Variants in PPP2R3B observed in about 807,000 individuals in gnomAD.
PPP2R3B encodes the protein protein phosphatase 2 regulatory subunit B''beta, also known as serine/threonine-protein phosphatase 2A regulatory subunit B'' subunit beta.
PPP2R3B carries 68 observed loss-of-function variants against 72.9 expected under a neutral mutation model. The ratio of observed to expected loss-of-function variants is 0.93; its 90% CI spans 0.77 to 1.14. The LOEUF is 1.14. Among genes scored for constraint, PPP2R3B ranks in the 50% most tolerant of loss-of-function variants. The pLI, the probability that PPP2R3B is intolerant of heterozygous loss-of-function variation, is 0.00. For synonymous variants in PPP2R3B, 466 were observed against 375.8 expected, an observed-to-expected ratio of 1.24 and a Z score of -2.78; for missense variants, 1,018 against 842.0, an observed-to-expected ratio of 1.21 and a Z score of -2.59.
In PPP2R3B at chrX:334,011, G is replaced by A. The variant is rs993525636; in HGVS notation, c.*356C>T. 3.1e-5 allele frequency: 7 copies of A among 228,274 alleles called. No homozygotes were observed. The highest frequency in any genetic ancestry group is 5.8e-5 in the Admixed American group (1 of 17,308). 14.1% of individuals were successfully genotyped at this position (228,274 alleles called of 1,614,324 possible). A position where few individuals can be genotyped will look rare whatever the true frequency, so the allele number is the denominator to read the frequency against. ...AACATTCACACAGCCTGTGGTGGAG[G>A]CTCCTGTCCAGGACTGAGGCGCCCG... On this transcript the variant is annotated 3_prime_UTR_variant, in exon 13 of 13. Transcript: ENST00000390665.
intron 1 of PPP2R3B, among the ~76,000 whole-genome samples, chrX:371,386 AC>A (rs1238874772): frequency 8.6e-5 from 13 of 151,574 alleles, no homozygotes; most frequent in Middle Eastern, 3.4e-3. Flanking sequence ...GAACGCCCCC[AC>A]CCCCCGAGTT....
intron 1 of PPP2R3B, among the ~76,000 whole-genome samples, chrX:372,148 T>C (rs1015333314): frequency 6.6e-6 from 1 of 152,096 alleles, no homozygotes; most frequent in African/African-American, 2.4e-5. Context: ...TCCCACCATC[T>C]AGAGCAAATC....
At chrX:338,187 G>GCCCAGGGCCT (rs1182341988) in intron 12 of PPP2R3B, 68 of 337,544 alleles carry the variant, frequency 2.0e-4, no homozygotes, top group Non-Finnish European at 3.2e-4. Flanking sequence ...AAAGCAACCA[G>GCCCAGGGCCT]CCCAGGGCCT....
intron 1 of PPP2R3B, among the ~76,000 whole-genome samples, chrX:384,375 T>A (rs1160351399): frequency 6.6e-6 from 1 of 150,772 alleles, no homozygotes; most frequent in Non-Finnish European, 1.5e-5. Context: ...CAGCTCACAG[T>A]AATCTCCGAC....
intron 2 of PPP2R3B, among the ~76,000 whole-genome samples, chrX:351,023 G>C (rs758781846): frequency 1.3e-5 from 2 of 152,170 alleles, no homozygotes; most frequent in Non-Finnish European, 2.9e-5. Flanking sequence ...GGGGGGCGTG[G>C]GGGACTGCAG....
intron 1 of PPP2R3B, among the ~76,000 whole-genome samples, chrX:375,632 G>C (rs970482786): frequency 6.6e-6 from 1 of 152,234 alleles, no homozygotes; most frequent in Non-Finnish European, 1.5e-5. Context: ...CAGAGGTGCC[G>C]CCCCTTCAGT....
At chrX:373,614 C>T (rs2071917427) in intron 1 of PPP2R3B, 2 of 296,328 alleles carry the variant, frequency 6.7e-6, no homozygotes, top group Non-Finnish European at 1.4e-5. Context: ...CAGCTCCTGG[C>T]GCAGGTCGGG....
At chrX:350,197 C>T (rs1022635219) in intron 2 of PPP2R3B, among the ~76,000 whole-genome samples, 2 of 152,100 alleles carry the variant, frequency 1.3e-5, no homozygotes, top group African/African-American at 2.4e-5. Context: ...TGGGACAGAG[C>T]CCCGTGGAAT....
chrX:375,047 C>A (rs1046325970), intron 1 of PPP2R3B, among the ~76,000 whole-genome samples: 3 of 152,098 alleles, frequency 2.0e-5, no homozygotes, highest in Admixed American at 2.0e-4. Context: ...ACCTCTGACG[C>A]CCACCACAGC....
In PPP2R3B at chrX:361,457, G is replaced by A; in HGVS notation, c.458C>T (p.Ala153Val). 1.9e-6 allele frequency: 3 copies of A among 1,613,992 alleles called. No individual in the cohort carries two copies. The highest frequency in any genetic ancestry group is 1.3e-5 in the African/African-American group (1 of 75,058). The change falls in exon 2 of 13, where the codon GCC becomes GTC. Residue 153 changes from alanine (A) to valine (V), a missense_variant. Ala to Val is a moderately conservative substitution (Grantham distance 64, BLOSUM62 0). Coordinates refer to ENST00000390665, the MANE Select transcript of PPP2R3B (RefSeq NM_013239.5). ...AVISKIESTF[A>V]RFPHERATMD... ...GGTGGCCCTCTCGTGGGGGAACCGGGCGAAGGTGCTCTCGATCTTGCTGAT... is the reference window on the plus strand; with the variant it reads ...GGTGGCCCTCTCGTGGGGGAACCGGACGAAGGTGCTCTCGATCTTGCTGAT...
Position 374,337 on chromosome X carries a change from G to C in PPP2R3B, c.324+12031C>G, listed in dbSNP as rs1033641288. 3.3e-5 allele frequency among the ~76,000 whole-genome samples: 5 copies of C among 152,280 alleles called. No individual in the cohort carries two copies. In the South Asian group the frequency reaches 8.3e-4, roughly 25 times the overall value. On this transcript the variant is annotated intron_variant, in intron 1 of 12. Transcript: ENST00000390665. The stretch of plus-strand genomic sequence containing the variant: ...CAGCTGCGCCTCCACAAACACGCAC[G>C]GCAGCCCAGACATCCCGGCAGCCCG...
intron 1 of PPP2R3B, among the ~76,000 whole-genome samples, chrX:383,160 C>T (rs1238428992): frequency 2.0e-5 from 3 of 152,126 alleles, no homozygotes; most frequent in East Asian, 1.9e-4. Context: ...TTCATCGACA[C>T]GTACTTTTGG....
intron 12 of PPP2R3B, chrX:335,391 GC>G (rs1473046806): frequency 6.6e-6 from 1 of 152,452 alleles, no homozygotes; most frequent in Non-Finnish European, 1.5e-5. Context: ...GAGGTTGGCT[GC>G]CAGGTCAGAG....
At chrX:347,551 G>A (rs1414499560) in intron 3 of PPP2R3B, 39 bp downstream of exon 3, 3 of 1,543,864 alleles carry the variant, frequency 1.9e-6, no homozygotes, top group African/African-American at 1.4e-5. Context: ...GGACGCCTCC[G>A]CCCTCCCGAC....
At chrX:346,375 C>A in intron 5 of PPP2R3B, 115 bp from the exon 6 acceptor site, 1 of 1,042,062 alleles carries the variant, frequency 9.6e-7, no homozygotes, top group Non-Finnish European at 1.4e-6. Flanking sequence ...CACGGGGCCG[C>A]CAGGGCACAG....
At position 347,309 on chromosome X, in the gene PPP2R3B, C is replaced by T. The variant is rs576074508; in HGVS notation, c.642G>A (p.Ala214=). The T allele has an allele frequency of 4.5e-5, 73 of 1,613,734 alleles. No homozygotes were observed. The highest frequency in any genetic ancestry group is 2.2e-4 in the South Asian group (20 of 91,072). The change falls in exon 4 of 13, where the codon GCG becomes GCA. Residue 214 remains alanine (A), a synonymous_variant. Coordinates refer to ENST00000390665, the MANE Select transcript of PPP2R3B (RefSeq NM_013239.5). ...TCATGAGCAGATGGACGAACTTGGC[C>T]GCGTCGTCGTGGCAGTTCTGGAGGA... ...RKILQNCHDD[A]AKFVHLLMSP...
At chrX:346,302 C>T in intron 5 of PPP2R3B, 42 bp from the exon 6 acceptor site, 1 of 1,530,040 alleles carries the variant, frequency 6.5e-7, no homozygotes, top group Non-Finnish European at 8.8e-7. Context: ...CAGAGACCCC[C>T]AGGAGCCTCG....
At chrX:338,353 C>T (rs1201744325) in intron 12 of PPP2R3B, 32 of 595,970 alleles carry the variant, frequency 5.4e-5, no homozygotes, top group East Asian at 2.0e-4. Flanking sequence ...CGAAGCCTCG[C>T]GCCCAGGATC....
intron 1 of PPP2R3B, among the ~76,000 whole-genome samples, chrX:364,819 G>C (rs1346100349): frequency 3.4e-5 from 2 of 58,522 alleles, no homozygotes; most frequent in South Asian, 8.1e-4. Context: ...GGAGGCGGAG[G>C]TTGCAGTGAG....
Sources: gnomAD v4.1 joint callset for allele counts (sites outside exome capture counted in the v4.1 genomes callset) on GRCh38, gnomAD v4.1.1 for gene constraint, MANE v1.5 for transcripts, NCBI Gene and HGNC (gene_info 2026-07-23, HGNC 2026-07-21) for gene names.